The following FAT1 variants were observed in gnomAD, a reference collection of about 807,000 sequenced individuals.
FAT1 encodes the protein protocadherin Fat 1.
A neutral mutation model predicts 329.8 loss-of-function variants in FAT1; 171 were observed. The observed-to-expected ratio is 0.52, with a 90% confidence interval of 0.46 to 0.59. FAT1 has a LOEUF of 0.59. FAT1 is among the 20% of genes least tolerant of loss of function. The probability of loss-of-function intolerance (pLI) is 0.00; values close to 1 mark genes in which losing one functional copy is unlikely to be tolerated. For synonymous variants in FAT1, 2,233 were observed against 2,228.6 expected (o/e 1.00, Z -0.06); for missense variants, 5,672 against 5,774.4 (o/e 0.98, Z 0.57).
chr4:186,705,991 T>C (rs1369149872), intron 2 of FAT1, among the ~76,000 whole-genome samples: 1 of 152,184 alleles, frequency 6.6e-6, no homozygotes, highest in Non-Finnish European at 1.5e-5. Context: ...GAGCCAGGAT[T>C]CCAAGCCAGG....
At chr4:186,662,657 GA>G (rs1297164608) in intron 3 of FAT1, among the ~76,000 whole-genome samples, 1 of 152,140 alleles carries the variant, frequency 6.6e-6, no homozygotes, top group Non-Finnish European at 1.5e-5. Flanking sequence ...GCCGACTTAG[GA>G]CAATTCAAAT....
chr4:186,619,687 G>T lies in FAT1; in HGVS notation c.6899C>A (p.Thr2300Lys), dbSNP rs761083769. 2 of 1,614,000 alleles carry T rather than the reference G, an allele frequency of 1.2e-6. No homozygotes were observed. Among genetic ancestry groups the T allele is most frequent in the Non-Finnish European group, 1.7e-6 (2 of 1,179,900 alleles). ...GGTGGCTCTAACTTGAACAACAGACGTTCCAATTACAGATGCCTCAGACAG... is the reference window on the plus strand; with the variant it reads ...GGTGGCTCTAACTTGAACAACAGACTTTCCAATTACAGATGCCTCAGACAG... Reference protein sequence around the residue: ...VTLSEASVIGTSVVQVRATDS... With the variant: ...VTLSEASVIGKSVVQVRATDS... The change falls in exon 10 of 27, where the codon ACG (threonine) becomes AAG (lysine). Residue 2300 changes from threonine (T) to lysine (K), a missense_variant. By Grantham distance (78) the Thr-to-Lys change is moderately conservative (BLOSUM62 -1). Coordinates refer to ENST00000441802, the MANE Select transcript of FAT1 (RefSeq NM_005245.4).
chr4:186,596,721 G>A lies in FAT1; in HGVS notation c.12819C>T (p.Phe4273=), dbSNP rs1243904591. ...GATGCTCTGGGATAGCAGATCCTTC[G>A]AAGGAATTTCGGTCCAGATTGTTTC... is the stretch of plus-strand genomic sequence containing the variant. ...DSRNNLDRNS[F]EGSAIPEHPE... Residue 4273 remains phenylalanine (F), a synonymous_variant, in exon 25 of 27, where the codon TTC becomes TTT. Transcript: ENST00000441802. The surrounding 1 kb of genome is among the most constrained non-coding windows in gnomAD (Gnocchi z 4.7). 3.7e-6 allele frequency: 6 copies of A among 1,613,858 alleles called. No homozygotes were observed. The highest frequency in any genetic ancestry group is 1.6e-4 in the Middle Eastern group (1 of 6,084).
At chr4:186,644,620 A>C (rs1037054458) in intron 3 of FAT1, among the ~76,000 whole-genome samples, 2 of 152,232 alleles carry the variant, frequency 1.3e-5, no homozygotes, top group Non-Finnish European at 2.9e-5. Flanking sequence ...TTTCAACGCC[A>C]CTTAGACATT....
intron 2 of FAT1, among the ~76,000 whole-genome samples, chr4:186,699,384 G>C (rs1415556772): frequency 1.3e-5 from 2 of 152,244 alleles, no homozygotes; most frequent in Non-Finnish European, 2.9e-5. Context: ...TGAGCCACTC[G>C]GAGGCCTAGC....
intron 2 of FAT1, among the ~76,000 whole-genome samples, chr4:186,694,902 C>T (rs1433776852): frequency 6.6e-6 from 1 of 152,212 alleles, no homozygotes; most frequent in African/African-American, 2.4e-5. Flanking sequence ...GCAGAGGTTG[C>T]AGGGAGCCAA....
In FAT1 at chr4:186,709,120, G is replaced by A; in HGVS notation, c.708C>T (p.Gly236=). The part of the protein sequence containing the change: ...DRGMKLYGSS[G]ISSMAKLTVH... ...CCGTTAGCTTGGCCATGCTGCTGAT[G>A]CCACTGCTCCCATACAACTTCATGC... Residue 236 remains glycine, a synonymous_variant, in exon 2 of 27, where the codon GGC becomes GGT. Coordinates refer to ENST00000441802, the MANE Select transcript of FAT1 (RefSeq NM_005245.4). 6.2e-7 allele frequency: 1 copy of A among 1,613,890 alleles called. No homozygotes were observed. Among genetic ancestry groups the A allele is most frequent in the Non-Finnish European group, 8.5e-7 (1 of 1,179,796 alleles).
rs186612828 is a variant in FAT1, at chr4:186,693,148, C to G, written c.3265+13415G>C. Among the ~76,000 whole-genome samples the G allele has an allele frequency of 2.8e-3, 427 of 152,310 alleles. 3 individuals are homozygous for G. Among genetic ancestry groups the G allele is most frequent in the African/African-American group, 9.6e-3 (399 of 41,562 alleles). ...GCCATTACATGTTTGAACAGTATGA[C>G]AAACTTAAAGTATCGTTATGTAAGA... On this transcript the variant is annotated intron_variant, in intron 2 of 26. Transcript: ENST00000441802.
intron 2 of FAT1, among the ~76,000 whole-genome samples, chr4:186,682,924 G>A (rs1441326886): frequency 6.6e-6 from 1 of 152,158 alleles, no homozygotes; most frequent in South Asian, 2.1e-4. Flanking sequence ...AAGAGTGTGT[G>A]CCACAAAACG....
At position 186,599,166 on chromosome 4, in the gene FAT1, G is replaced by C. The variant is rs142991555; in HGVS notation, c.12103+732C>G. Among the ~76,000 whole-genome samples the C allele has an allele frequency of 3.3e-4, 50 of 152,326 alleles. No individual in the cohort carries two copies. The East Asian group carries it at 8.3e-3, about 25-fold the overall frequency. The stretch of plus-strand genomic sequence containing the variant: ...TAACTAATATGAGCACAGTATAAAT[G>C]AGAGTGTTTCTGTGGGGATGGCCTG... On this transcript the variant is annotated intron_variant, in intron 22 of 26. Coordinates refer to ENST00000441802, the MANE Select transcript of FAT1 (RefSeq NM_005245.4).
At chr4:186,704,248 G>A (rs997889357) in intron 2 of FAT1, among the ~76,000 whole-genome samples, 7 of 151,856 alleles carry the variant, frequency 4.6e-5, no homozygotes, top group African/African-American at 7.3e-5. Flanking sequence ...ACACCTCCCC[G>A]CCTCCCACTA....
rs369624661 is a variant in FAT1, at chr4:186,620,322, G to A, written c.6264C>T (p.Ala2088=). Residue 2088 remains alanine, a synonymous_variant, in exon 10 of 27, where the codon GCC becomes GCT. Coordinates refer to ENST00000441802, the MANE Select transcript of FAT1 (RefSeq NM_005245.4). The part of the protein sequence containing the change: ...APVFVNLPYY[A]VVKVDTEVGH... ...CCACCTCAGTGTCCACTTTAACAAC[G>A]GCGTAGTAGGGAAGGTTGACAAACA... The A allele has an allele frequency of 1.5e-5, 24 of 1,613,912 alleles. No homozygotes were observed. The South Asian group carries it at 1.9e-4, about 13-fold the overall frequency.
Position 186,596,603 on chromosome 4 carries a change from G to A in FAT1, c.12937C>T (p.Pro4313Ser), listed in dbSNP as rs749539438. Reference protein sequence around the residue: ...SVAPNLPPPPPSNSPSDSDSI... With the variant: ...SVAPNLPPPPSSNSPSDSDSI... ...TCGCTGTCAGAAGGGGAGTTTGAAG[G>A]GGGTGGGGGAGGCAGGTTTGGCGCC... is the stretch of plus-strand genomic sequence containing the variant. The change falls in exon 25 of 27, where the codon CCT becomes TCT. Residue 4313 changes from proline to serine, a missense_variant. Physicochemically the swap from Pro to Ser is moderately conservative, Grantham distance 74. Coordinates refer to ENST00000441802, the MANE Select transcript of FAT1 (RefSeq NM_005245.4). This position sits in a 1 kb window ranked among gnomAD's most constrained non-coding sequence, Gnocchi z 4.7. The A allele has an allele frequency of 3.7e-6, 6 of 1,612,650 alleles. No homozygotes were observed. The highest frequency in any genetic ancestry group is 1.7e-6 in the Non-Finnish European group (2 of 1,179,450).
chr4:186,658,717 C>T lies in FAT1; in HGVS notation c.3580+4582G>A, dbSNP rs116524792. Among the ~76,000 whole-genome samples the T allele has an allele frequency of 8.8e-3, 1,335 of 152,284 alleles. 26 individuals carry two copies. The highest frequency in any genetic ancestry group is 0.031 in the African/African-American group (1,278 of 41,546). On this transcript the variant is annotated intron_variant, in intron 3 of 26. Transcript: ENST00000441802. ...GTCGCCGACATGAAAACATCTCCTA[C>T]CTCCTCTCCATCAATCTATTGTTAC...
chr4:186,689,798 C>G (rs13148008), intron 2 of FAT1, among the ~76,000 whole-genome samples: 2 of 152,286 alleles, frequency 1.3e-5, no homozygotes, highest in South Asian at 2.1e-4. Context: ...CCACACGACT[C>G]GACTCCGCAC....
At chr4:186,673,913 TAAA>T (rs1742840985) in intron 2 of FAT1, among the ~76,000 whole-genome samples, 2 of 152,210 alleles carry the variant, frequency 1.3e-5, no homozygotes, top group Non-Finnish European at 2.9e-5. Flanking sequence ...GCTCTACTGT[TAAA>T]GAGGATCACC....
At chr4:186,654,718 T>C (rs1217567908) in intron 3 of FAT1, among the ~76,000 whole-genome samples, 4 of 152,082 alleles carry the variant, frequency 2.6e-5, no homozygotes, top group South Asian at 2.1e-4. Flanking sequence ...GAGACCAGCC[T>C]GAGCAACACG....
chr4:186,597,120 G>A lies in FAT1; in HGVS notation c.12420C>T (p.Ala4140=), dbSNP rs1324971708. Residue 4140 remains alanine (A), a synonymous_variant, in exon 25 of 27, where the codon GCC becomes GCT. Coordinates refer to ENST00000441802, the MANE Select transcript of FAT1 (RefSeq NM_005245.4). ...AGGAGCCGTGCGTGTTCTCACAGAGGGCCCCGTGCAGGCAAGGGTTTCCAG... is the reference window on the plus strand; with the variant it reads ...AGGAGCCGTGCGTGTTCTCACAGAGAGCCCCGTGCAGGCAAGGGTTTCCAG... The part of the protein sequence containing the change: ...ECSGNPCLHG[A]LCENTHGSYH... The A allele has an allele frequency of 1.1e-5, 17 of 1,613,698 alleles. No homozygotes were observed. In the Admixed American group the frequency reaches 2.7e-4, roughly 25 times the overall value.
chr4:186,656,547 T>A (rs751377294), intron 3 of FAT1, among the ~76,000 whole-genome samples: 3 of 150,412 alleles, frequency 2.0e-5, no homozygotes, highest in Non-Finnish European at 4.4e-5. Flanking sequence ...TACCCACACA[T>A]ACACATACAT....
Sources: allele counts gnomAD v4.1 joint callset (sites outside exome capture counted in the v4.1 genomes callset), GRCh38; gene constraint gnomAD v4.1.1; non-coding constraint Gnocchi (gnomAD v3.1); transcripts MANE v1.5; gene names NCBI Gene and HGNC (gene_info 2026-07-23, HGNC 2026-07-21).